The following ACER3 variants were observed in gnomAD, a reference collection of about 807,000 sequenced individuals.
The protein encoded by ACER3 is alkCDase 3.
A neutral mutation model predicts 48.9 loss-of-function variants in ACER3; 16 were observed. The observed-to-expected ratio is 0.33, with a 90% CI of 0.22 to 0.50. The LOEUF (loss-of-function observed/expected upper bound fraction) is 0.50, where lower values mean the gene tolerates loss of function less well. ACER3 is among the 20% of genes least tolerant of loss of function. ACER3 has a pLI of 0.98. For missense variants in ACER3, 227 were observed against 326.0 expected (o/e 0.70, Z 2.34); for synonymous variants, 109 against 107.8 (o/e 1.01, Z -0.07).
intron 1 of ACER3, among the ~76,000 whole-genome samples, chr11:76,901,682 C>T (rs750769198): frequency 1.3e-5 from 2 of 152,108 alleles, no homozygotes; most frequent in South Asian, 2.1e-4. Flanking sequence ...GCAAGAGGGT[C>T]GTGATCGATT....
chr11:76,862,391 A>G (rs902013082), intron 1 of ACER3, among the ~76,000 whole-genome samples: 8 of 152,346 alleles, frequency 5.3e-5, no homozygotes, highest in Middle Eastern at 3.4e-3. Context: ...TATTAAATTA[A>G]TAATTTTTAC....
At position 76,926,643 on chromosome 11, in the gene ACER3, A is replaced by G. The variant is rs142469431; in HGVS notation, c.190A>G (p.Ile64Val). Residue 64 changes from isoleucine (I) to valine (V), a missense_variant, in exon 2 of 11, where the codon ATT becomes GTT. Ile to Val is a conservative substitution (Grantham distance 29, BLOSUM62 3). This residue lies in a region of ACER3 where 195 missense variants were observed against 290.8 expected (regional missense o/e 0.67). Transcript: ENST00000532485. Reference protein sequence around the residue: ...SVRDGLEKRYIASYLALTVVG... With the variant: ...SVRDGLEKRYVASYLALTVVG... ...TAGAGACGGTCTGGAAAAGCGGTAC[A>G]TTGCTTCTTATTTAGCACTCACAGG... 6.0e-4 allele frequency: 952 copies of G among 1,593,722 alleles called. 1 individual carries two copies. The highest frequency in any genetic ancestry group is 7.9e-4 in the Non-Finnish European group (913 of 1,161,508).
chr11:76,875,258 C>T (rs529478781), intron 1 of ACER3, among the ~76,000 whole-genome samples: 24 of 151,378 alleles, frequency 1.6e-4, no homozygotes, highest in African/African-American at 5.1e-4. Context: ...GGATTACAGG[C>T]GCAGGCCACT....
At chr11:76,933,391 A>G (rs1278606746) in intron 2 of ACER3, among the ~76,000 whole-genome samples, 2 of 146,414 alleles carry the variant, frequency 1.4e-5, no homozygotes, top group Non-Finnish European at 3.1e-5. Context: ...AAACAAGTGA[A>G]CAAAGGTCTC....
At chr11:76,892,468 G>A (rs1211396186) in intron 1 of ACER3, among the ~76,000 whole-genome samples, 1 of 152,150 alleles carries the variant, frequency 6.6e-6, no homozygotes, top group African/African-American at 2.4e-5. Context: ...TGCTATTTTA[G>A]TTGGATCACA....
chr11:76,954,288 G>A (rs987453402), intron 2 of ACER3, among the ~76,000 whole-genome samples: 1 of 151,992 alleles, frequency 6.6e-6, no homozygotes, highest in African/African-American at 2.4e-5. Flanking sequence ...CCATGCATGC[G>A]AGTTTCATCA....
intron 1 of ACER3, among the ~76,000 whole-genome samples, chr11:76,893,745 T>C (rs1426803717): frequency 6.6e-6 from 1 of 152,254 alleles, no homozygotes; most frequent in Non-Finnish European, 1.5e-5. Context: ...AACTACCATA[T>C]ACATTTTGGT....
At chr11:76,907,108 C>A (rs2134702883) in intron 1 of ACER3, among the ~76,000 whole-genome samples, 1 of 152,180 alleles carries the variant, frequency 6.6e-6, no homozygotes, top group African/African-American at 2.4e-5. Context: ...GGATCATCAA[C>A]TTACATTAGA....
At chr11:76,945,656 A>G (rs539973844) in intron 2 of ACER3, among the ~76,000 whole-genome samples, 107 of 152,290 alleles carry the variant, frequency 7.0e-4, no homozygotes, top group African/African-American at 2.4e-3. Context: ...CACCAGTGTT[A>G]GTGGGTACTG....
At chr11:76,883,868 C>T (rs1003307821) in intron 1 of ACER3, among the ~76,000 whole-genome samples, 13 of 152,142 alleles carry the variant, frequency 8.5e-5, no homozygotes, top group Non-Finnish European at 2.9e-5. Flanking sequence ...TTCTGGCCAG[C>T]AGTTAGATTC....
chr11:77,018,837 AGGTT>A (rs1450800692), intron 9 of ACER3, among the ~76,000 whole-genome samples: 1 of 152,232 alleles, frequency 6.6e-6, no homozygotes, highest in Non-Finnish European at 1.5e-5. Context: ...AAGCTAGCAG[AGGTT>A]GGTTCATGAG....
intron 8 of ACER3, among the ~76,000 whole-genome samples, chr11:77,016,110 G>GA (rs140924381): frequency 0.28 from 34,925 of 125,752 alleles, 4,618 homozygotes; most frequent in Admixed American, 0.42. Context: ...CCGTCTCAGG[G>GA]AAAAAAAAAA....
At chr11:76,906,240 G>A (rs904785092) in intron 1 of ACER3, among the ~76,000 whole-genome samples, 1 of 152,202 alleles carries the variant, frequency 6.6e-6, no homozygotes, top group Non-Finnish European at 1.5e-5. Context: ...GATTATGGGA[G>A]GGGCCTGAAT....
At chr11:76,988,169 T>A (rs746456953) in intron 5 of ACER3, among the ~76,000 whole-genome samples, 1 of 152,154 alleles carries the variant, frequency 6.6e-6, no homozygotes, top group East Asian at 1.9e-4. Context: ...AAATTTTCAG[T>A]TGGAAGACCA....
chr11:76,897,547 T>TA (rs36120118), intron 1 of ACER3, among the ~76,000 whole-genome samples: 9,302 of 151,610 alleles, frequency 0.061, 316 homozygotes, highest in Middle Eastern at 0.12. Context: ...TATGTAATAT[T>TA]AAAAAAAAAC....
intron 3 of ACER3, among the ~76,000 whole-genome samples, chr11:76,972,051 TATATCAAAGAAATATATTTGGGGGTGAA>T (rs1390490117): frequency 1.3e-5 from 2 of 152,244 alleles, no homozygotes; most frequent in African/African-American, 2.4e-5. Context: ...TGTCCTGAAA[TATATCAAAGAAATATATTTGGGGGTGAA>T]ATATTTTTAG....
At chr11:76,865,810 CTTTT>C (rs372481140) in intron 1 of ACER3, among the ~76,000 whole-genome samples, 1 of 130,612 alleles carries the variant, frequency 7.7e-6, no homozygotes, top group Non-Finnish European at 1.6e-5. Flanking sequence ...TGCCCAGCAT[CTTTT>C]TTTTTTTTTT....
chr11:77,016,911 T>A, intron 9 of ACER3, 132 bp downstream of exon 9: 1 of 473,888 alleles, frequency 2.1e-6, no homozygotes, highest in Non-Finnish European at 3.6e-6. Context: ...TAGTACACTC[T>A]TGAACAACCG....
intron 1 of ACER3, among the ~76,000 whole-genome samples, chr11:76,882,457 G>T (rs550339810): frequency 6.6e-6 from 1 of 152,066 alleles, no homozygotes; most frequent in Non-Finnish European, 1.5e-5. Context: ...CAGTTGTAGA[G>T]TGTCCACTTA....
Sources: gnomAD v4.1 joint callset for allele counts (sites outside exome capture counted in the v4.1 genomes callset) on GRCh38, gnomAD v4.1.1 for gene constraint, gnomAD v4.1.1 regional missense constraint, MANE v1.5 for transcripts, NCBI Gene and HGNC (gene_info 2026-07-23, HGNC 2026-07-21) for gene names.